The following FAM135B variants were observed in gnomAD, a reference collection of about 807,000 sequenced individuals.
FAM135B encodes the protein protein FAM135B.
In FAM135B, 43 loss-of-function variants were observed where a neutral mutation model predicts 127.7. The ratio of observed to expected loss-of-function variants is 0.34; its 90% CI spans 0.26 to 0.43. The LOEUF (loss-of-function observed/expected upper bound fraction) is 0.43. FAM135B is among the 20% of genes least tolerant of loss of function. The pLI is 1.00. For synonymous variants in FAM135B, 670 were observed against 665.1 expected (o/e 1.01, Z -0.11); for missense variants, 1,558 against 1,725.6 (o/e 0.90, Z 1.72).
At position 138,241,930 on chromosome 8, in the gene FAM135B, G is replaced by A. The variant is rs1413241521; in HGVS notation, c.669+1012C>T. 2.0e-5 allele frequency among the ~76,000 whole-genome samples: 3 copies of A among 152,114 alleles called. No homozygotes were observed. Among genetic ancestry groups the A allele is most frequent in the African/African-American group, 4.8e-5 (2 of 41,408 alleles). ...CCTGAATAGGACAAAAAGACTGAGTGAGAGAAAACTGTCTCTCTTATTTAT... is the reference window on the plus strand; with the variant it reads ...CCTGAATAGGACAAAAAGACTGAGTAAGAGAAAACTGTCTCTCTTATTTAT... On this transcript the variant is annotated intron_variant, in intron 7 of 19. Coordinates refer to ENST00000395297, the MANE Select transcript of FAM135B (RefSeq NM_015912.4). The surrounding 1 kb of genome is among the most constrained non-coding windows in gnomAD (Gnocchi z 4.8).
chr8:138,452,312 G>A (rs964596742), intron 1 of FAM135B, among the ~76,000 whole-genome samples: 1 of 151,668 alleles, frequency 6.6e-6, no homozygotes, highest in Non-Finnish European at 1.5e-5. Flanking sequence ...GTAGAGATGG[G>A]GTTTCACCAC....
At position 138,241,778 on chromosome 8, in the gene FAM135B, G is replaced by A. The variant is rs1378687018; in HGVS notation, c.669+1164C>T. 6.6e-6 allele frequency among the ~76,000 whole-genome samples: 1 copy of A among 152,162 alleles called. No individual in the cohort carries two copies. Among genetic ancestry groups the A allele is most frequent in the Non-Finnish European group, 1.5e-5 (1 of 68,040 alleles). ...CGTGTCATCTTACTTGGGCCACAAG[G>A]TGCCCAGACGTTTGGTTGAACATTA... On this transcript the variant is annotated intron_variant, in intron 7 of 19. Transcript: ENST00000395297. The surrounding 1 kb of genome is among the most constrained non-coding windows in gnomAD (Gnocchi z 4.8).
chr8:138,449,104 T>C (rs1206639642), intron 1 of FAM135B, among the ~76,000 whole-genome samples: 2 of 152,192 alleles, frequency 1.3e-5, no homozygotes, highest in East Asian at 1.9e-4. Flanking sequence ...TTACTCACAA[T>C]GTAAAATTAT....
intron 7 of FAM135B, among the ~76,000 whole-genome samples, chr8:138,200,965 C>T (rs1451833141): frequency 1.3e-5 from 2 of 152,190 alleles, no homozygotes; most frequent in African/African-American, 2.4e-5. Context: ...AGGGCTGATG[C>T]GAGCTTGTCC....
At chr8:138,314,044 G>C (rs141418314) in intron 2 of FAM135B, among the ~76,000 whole-genome samples, 77 of 152,234 alleles carry the variant, frequency 5.1e-4, no homozygotes, top group African/African-American at 1.6e-3. Context: ...CCCAGGCATA[G>C]TACTAAAGGG....
chr8:138,400,316 G>A (rs1156434407), intron 1 of FAM135B, among the ~76,000 whole-genome samples: 1 of 152,282 alleles, frequency 6.6e-6, no homozygotes, highest in Non-Finnish European at 1.5e-5. Flanking sequence ...TCCAGCCCCT[G>A]TCTAGAATGA....
intron 4 of FAM135B, among the ~76,000 whole-genome samples, chr8:138,257,080 G>C (rs1162725375): frequency 6.6e-6 from 1 of 152,072 alleles, no homozygotes; most frequent in South Asian, 2.1e-4. Flanking sequence ...ATCCCATCTG[G>C]GGCAAGAGTA....
intron 1 of FAM135B, among the ~76,000 whole-genome samples, chr8:138,429,381 G>T (rs1835074582): frequency 6.6e-6 from 1 of 152,210 alleles, no homozygotes; most frequent in South Asian, 2.1e-4. Context: ...CACCATTATT[G>T]CTGCTATCCT....
intron 2 of FAM135B, among the ~76,000 whole-genome samples, chr8:138,339,274 A>C (rs1828858645): frequency 6.6e-6 from 1 of 151,930 alleles, no homozygotes; most frequent in Non-Finnish European, 1.5e-5. Context: ...AAAAAAACCT[A>C]AATAATCATA....
At chr8:138,411,724 C>T (rs377319139) in intron 1 of FAM135B, among the ~76,000 whole-genome samples, 21 of 152,192 alleles carry the variant, frequency 1.4e-4, no homozygotes, top group East Asian at 5.8e-4. Flanking sequence ...AGAAAATTTT[C>T]GCAACCTACT....
At chr8:138,494,151 T>C (rs1248564822) in intron 1 of FAM135B, among the ~76,000 whole-genome samples, 7 of 152,202 alleles carry the variant, frequency 4.6e-5, no homozygotes, top group African/African-American at 1.7e-4. Context: ...TTTGCCTCAG[T>C]GGGTTGACCC....
chr8:138,467,499 T>C (rs977181094), intron 1 of FAM135B, among the ~76,000 whole-genome samples: 2 of 152,226 alleles, frequency 1.3e-5, no homozygotes, highest in Non-Finnish European at 2.9e-5. Flanking sequence ...ACAAGGTGTA[T>C]AGGATATGTT....
intron 3 of FAM135B, among the ~76,000 whole-genome samples, chr8:138,307,775 G>T (rs1369551336): frequency 1.4e-5 from 2 of 147,702 alleles, no homozygotes; most frequent in African/African-American, 5.0e-5. Flanking sequence ...GAACAAAACA[G>T]CCAAATGAAA....
chr8:138,448,157 T>C (rs534383009), intron 1 of FAM135B, among the ~76,000 whole-genome samples: 1 of 151,678 alleles, frequency 6.6e-6, no homozygotes, highest in South Asian at 2.1e-4. Context: ...GTCAGAATTG[T>C]TTGGGGAAGG....
At chr8:138,230,287 C>T (rs147143684) in intron 7 of FAM135B, among the ~76,000 whole-genome samples, 141 of 152,304 alleles carry the variant, frequency 9.3e-4, no homozygotes, top group African/African-American at 3.2e-3. Flanking sequence ...GAAGTCCCAG[C>T]TCCATACTGA....
At chr8:138,382,535 CT>C (rs1336767948) in intron 1 of FAM135B, among the ~76,000 whole-genome samples, 2 of 152,164 alleles carry the variant, frequency 1.3e-5, no homozygotes, top group Non-Finnish European at 2.9e-5. Flanking sequence ...TGGCACCAAA[CT>C]TTCATGGCCA....
chr8:138,436,256 G>C (rs985096), intron 1 of FAM135B, among the ~76,000 whole-genome samples: 3 of 152,010 alleles, frequency 2.0e-5, no homozygotes, highest in Admixed American at 2.0e-4. Context: ...GGAAGAACTC[G>C]GTAAGATCAA....
intron 9 of FAM135B, among the ~76,000 whole-genome samples, chr8:138,192,277 C>A (rs1179756620): frequency 1.1e-4 from 17 of 152,194 alleles, no homozygotes; most frequent in Admixed American, 1.1e-3. Context: ...TCCAAGCTGT[C>A]CTTGTTCATT....
chr8:138,190,488 G>A (rs1360856346), intron 9 of FAM135B, among the ~76,000 whole-genome samples: 2 of 152,170 alleles, frequency 1.3e-5, no homozygotes, highest in African/African-American at 2.4e-5. Flanking sequence ...GCAGGCCCTT[G>A]AAAGAAACTG....
Sources: gnomAD v4.1 joint callset for allele counts (sites outside exome capture counted in the v4.1 genomes callset) on GRCh38, gnomAD v4.1.1 for gene constraint, Gnocchi (gnomAD v3.1) non-coding constraint, MANE v1.5 for transcripts, NCBI Gene and HGNC (gene_info 2026-07-23, HGNC 2026-07-21) for gene names.